The following ABCC9 variants were observed in gnomAD, a reference collection of about 807,000 sequenced individuals.
The protein encoded by ABCC9 is ATP-binding cassette sub-family C member 9.
In ABCC9, 95 loss-of-function variants were observed where a neutral mutation model predicts 188.3. That is an observed-to-expected ratio of 0.50 (90% CI 0.43 to 0.60). The LOEUF (loss-of-function observed/expected upper bound fraction) is 0.60. Among genes scored for constraint, ABCC9 ranks in the 20% least tolerant of loss-of-function variants. ABCC9 has a pLI of 0.00. For missense variants in ABCC9, 1,102 were observed against 1,876.3 expected, an observed-to-expected ratio of 0.59 and a Z score of 7.62; for synonymous variants, 659 against 652.7, an observed-to-expected ratio of 1.01 and a Z score of -0.15.
chr12:21,816,474 C>T (rs1040013563), intron 33 of ABCC9, among the ~76,000 whole-genome samples: 2 of 151,840 alleles, frequency 1.3e-5, no homozygotes, highest in African/African-American at 4.8e-5. Flanking sequence ...CAGGAGGGCT[C>T]CAAGAGGAAA....
At chr12:21,919,688 A>G (rs1054943124) in intron 5 of ABCC9, among the ~76,000 whole-genome samples, 8 of 152,034 alleles carry the variant, frequency 5.3e-5, no homozygotes, top group Admixed American at 2.6e-4. Flanking sequence ...TTTCTATTCA[A>G]CATTTAAGAA....
Position 21,858,417 on chromosome 12 carries a change from T to TA in ABCC9, c.2505+1168dup, listed in dbSNP as rs948182402. On this transcript the variant is annotated intron_variant, in intron 22 of 39. Transcript: ENST00000261200. Reference sequence around the variant, plus strand: ...GGTGAAACCCAGTCTCTACTAAAAATAAAAAAAAAAAAATAGCCAAGTATG... The same window carrying TA: ...GGTGAAACCCAGTCTCTACTAAAAATAAAAAAAAAAAAAATAGCCAAGTATG... 4.5e-3 allele frequency among the ~76,000 whole-genome samples: 610 copies of TA among 136,974 alleles called. 3 individuals carry two copies. The highest frequency in any genetic ancestry group is 0.011 in the Middle Eastern group (3 of 264). The allele number at this position is 136,974 out of a possible 152,430, so 89.9% of individuals were successfully genotyped here. A position where few individuals can be genotyped will look rare whatever the true frequency, so the allele number is the denominator to read the frequency against.
chr12:21,910,270 A>C lies in ABCC9; in HGVS notation c.1207T>G (p.Leu403Val). 1 of 1,610,894 alleles carries C rather than the reference A, an allele frequency of 6.2e-7. No individual in the cohort carries two copies. Among genetic ancestry groups the C allele is most frequent in the Non-Finnish European group, 8.5e-7 (1 of 1,178,282 alleles). Residue 403 changes from leucine to valine, a missense_variant, in exon 10 of 40, where the codon TTA becomes GTA. By Grantham distance (32) the Leu-to-Val change is conservative. Transcript: ENST00000261200. ...NKILRLSTSN[L>V]SMGEMTLGQI... is the part of the protein sequence containing the mutation. The stretch of plus-strand genomic sequence containing the variant: ...CCCAGAGTCATCTCCCCCATGGATA[A>C]GTTAGACGTAGAGAGCCTAAGGATT...
intron 4 of ABCC9, among the ~76,000 whole-genome samples, chr12:21,928,995 T>C (rs1949164105): frequency 6.6e-6 from 1 of 152,052 alleles, no homozygotes; most frequent in Non-Finnish European, 1.5e-5. Context: ...TTTTAAAGTA[T>C]TATATTGCAA....
chr12:21,800,873 G>A lies in ABCC9; in HGVS notation c.*171C>T. 4 of 706,564 alleles carry A rather than the reference G, an allele frequency of 5.7e-6. No homozygotes were observed. Among genetic ancestry groups the A allele is most frequent in the Non-Finnish European group, 4.7e-6 (2 of 428,184 alleles). The allele number at this position is 706,564 out of a possible 1,614,324, so 43.8% of individuals were successfully genotyped here. On this transcript the variant is annotated 3_prime_UTR_variant, in exon 40 of 40. Coordinates refer to ENST00000261200, the MANE Select transcript of ABCC9 (RefSeq NM_020297.4). Reference sequence around the variant, plus strand: ...AAAACATCAATAATGAACATATTAAGCAATAATATCTTGAAAAACTGTTTT... The same window carrying A: ...AAAACATCAATAATGAACATATTAAACAATAATATCTTGAAAAACTGTTTT...
intron 30 of ABCC9, among the ~76,000 whole-genome samples, chr12:21,833,121 G>A (rs539947793): frequency 2.1e-4 from 32 of 152,142 alleles, no homozygotes; most frequent in Non-Finnish European, 4.6e-4. Flanking sequence ...GGGACTTGGG[G>A]TGAAGGATGG....
At chr12:21,922,219 A>G (rs916155820) in intron 5 of ABCC9, among the ~76,000 whole-genome samples, 1 of 151,928 alleles carries the variant, frequency 6.6e-6, no homozygotes, top group Admixed American at 6.6e-5. Context: ...CTTTCCATTT[A>G]TTTGTATCTT....
intron 15 of ABCC9, among the ~76,000 whole-genome samples, chr12:21,886,238 T>C (rs933094849): frequency 6.6e-6 from 1 of 152,098 alleles, no homozygotes; most frequent in Non-Finnish European, 1.5e-5. Flanking sequence ...AACTTGCATG[T>C]GCAAAATGTA....
Position 21,861,199 on chromosome 12 carries a change from A to T in ABCC9, c.2340-144T>A, listed in dbSNP as rs1368302597. On this transcript the variant is annotated intron_variant, in intron 20 of 39. Transcript: ENST00000261200. ...GCCAGCCTCTGCTCTACATTTCTGGATACAAAGATACATAAGTACTACTTC... is the reference window on the plus strand; with the variant it reads ...GCCAGCCTCTGCTCTACATTTCTGGTTACAAAGATACATAAGTACTACTTC... The T allele has an allele frequency of 1.1e-5, 8 of 715,930 alleles. No individual in the cohort carries two copies. In the African/African-American group the frequency reaches 1.4e-4, roughly 13 times the overall value. The allele number at this position is 715,930 out of a possible 1,614,324, so 44.3% of individuals were successfully genotyped here.
At chr12:21,938,472 T>C (rs1949579772) in intron 2 of ABCC9, among the ~76,000 whole-genome samples, 1 of 152,176 alleles carries the variant, frequency 6.6e-6, no homozygotes, top group South Asian at 2.1e-4. Flanking sequence ...ATGTTAGATG[T>C]ATTTCTGGCA....
In ABCC9 at chr12:21,818,160, T is replaced by C; in HGVS notation, c.3761A>G (p.Tyr1254Cys). The part of the protein sequence containing the change: ...NSGLVGLGLL[Y>C]ALTITNYLNW... ...TTTATCCATACCTACCGTAAGTGCA[T>C]ACAGAAGACCCAAGCCTACCAATCC... The change falls in exon 32 of 40, where the codon TAT becomes TGT. Residue 1254 changes from tyrosine (Y) to cysteine (C), a missense_variant. Around this residue, in one of 12 missense-constraint regions of ABCC9, gnomAD observed 143 missense variants for 225.6 expected, o/e 0.63. Coordinates refer to ENST00000261200, the MANE Select transcript of ABCC9 (RefSeq NM_020297.4). 6.2e-7 allele frequency: 1 copy of C among 1,612,164 alleles called. No homozygotes were observed. The highest frequency in any genetic ancestry group is 1.1e-5 in the South Asian group (1 of 91,042).
In ABCC9 at chr12:21,906,298, A is replaced by C. The variant is rs1258515323; in HGVS notation, c.1456-10T>G. The C allele has an allele frequency of 1.2e-6, 2 of 1,600,808 alleles. No individual in the cohort carries two copies. The highest frequency in any genetic ancestry group is 1.7e-6 in the Non-Finnish European group (2 of 1,172,162). ...TCTCAGTGGAATAATCCTATAAAAC[A>C]AAGGAAGAAAAATAATACCAGCTGC... On this transcript the variant is annotated splice_polypyrimidine_tract_variant and intron_variant, in intron 11 of 39. Coordinates refer to ENST00000261200, the MANE Select transcript of ABCC9 (RefSeq NM_020297.4).
At chr12:21,823,237 C>T (rs1943161194) in intron 31 of ABCC9, among the ~76,000 whole-genome samples, 1 of 152,138 alleles carries the variant, frequency 6.6e-6, no homozygotes. Flanking sequence ...CAGAAGATTC[C>T]CATGTCGAAA....
At chr12:21,918,954 A>G (rs1327197502) in intron 5 of ABCC9, among the ~76,000 whole-genome samples, 1 of 152,166 alleles carries the variant, frequency 6.6e-6, no homozygotes, top group East Asian at 1.9e-4. Flanking sequence ...CTAATAATCC[A>G]CATGTTAAAG....
chr12:21,883,041 A>G (rs1024886338), intron 15 of ABCC9, among the ~76,000 whole-genome samples, 168 bp from the exon 16 acceptor site: 2 of 152,232 alleles, frequency 1.3e-5, no homozygotes, highest in Non-Finnish European at 2.9e-5. Context: ...TTCTTAAGCT[A>G]TAGTTAAACC....
intron 22 of ABCC9, among the ~76,000 whole-genome samples, chr12:21,854,662 T>C (rs1945133953): frequency 6.6e-6 from 1 of 152,216 alleles, no homozygotes; most frequent in Non-Finnish European, 1.5e-5. Flanking sequence ...GAGTTGCTTT[T>C]CAAAATCATC....
chr12:21,919,502 A>G (rs1047445360), intron 5 of ABCC9, among the ~76,000 whole-genome samples: 64 of 152,032 alleles, frequency 4.2e-4, no homozygotes, highest in Admixed American at 1.3e-3. Flanking sequence ...AAAATTCTAT[A>G]TAGTCACTAA....
At chr12:21,818,471 T>C (rs1265026477) in intron 31 of ABCC9, among the ~76,000 whole-genome samples, 3 of 146,784 alleles carry the variant, frequency 2.0e-5, no homozygotes, top group Non-Finnish European at 4.5e-5. Context: ...TATCTATATC[T>C]ATATCTATAT....
chr12:21,914,980 A>G (rs1340312678), intron 7 of ABCC9, among the ~76,000 whole-genome samples: 1 of 149,856 alleles, frequency 6.7e-6, no homozygotes, highest in African/African-American at 2.5e-5. Flanking sequence ...GGCTCACCAC[A>G]ACTTTCGCCT....
Sources: gnomAD v4.1 joint callset for allele counts (sites outside exome capture counted in the v4.1 genomes callset) on GRCh38, gnomAD v4.1.1 for gene constraint, gnomAD v4.1.1 regional missense constraint, MANE v1.5 for transcripts, NCBI Gene and HGNC (gene_info 2026-07-23, HGNC 2026-07-21) for gene names.